Variants in THTPA observed in about 807,000 individuals in gnomAD.
THTPA encodes thiamine-triphosphatase.
THTPA carries 16 observed loss-of-function variants against 16.5 expected under a neutral mutation model. That is an observed-to-expected ratio of 0.97 (90% CI 0.66 to 1.47). THTPA has a LOEUF of 1.47. Among genes scored for constraint, THTPA ranks in the 40% most tolerant of loss-of-function variants. The pLI is 0.00. For missense variants in THTPA, 281 were observed against 280.9 expected, an observed-to-expected ratio of 1.00 and a Z score of 0.00; for synonymous variants, 110 against 115.5, an observed-to-expected ratio of 0.95 and a Z score of 0.30.
chr14:23,534,375 A>T, the THTPA span: 1 of 1,536,776 alleles, frequency 6.5e-7, no homozygotes, highest in Non-Finnish European at 8.7e-7. The surrounding 1 kb of genome is among the most constrained non-coding windows in gnomAD (Gnocchi z 4.5). Flanking sequence ...TCTGGGCCAC[A>T]TTCGCCTCCA....
the THTPA span, chr14:23,514,427 G>GC: frequency 1.3e-5 from 2 of 152,726 alleles, no homozygotes; most frequent in South Asian, 2.1e-4. Flanking sequence ...GTCTGTATAT[G>GC]CCACTTTTGC....
At chr14:23,524,218 G>C in the THTPA span, 2 of 1,536,472 alleles carry the variant, frequency 1.3e-6, no homozygotes, top group Admixed American at 2.0e-5. The surrounding 1 kb of genome is among the most constrained non-coding windows in gnomAD (Gnocchi z 5.6). Flanking sequence ...CCCGGGCCCT[G>C]GTATTCTGGA....
the THTPA span, chr14:23,531,917 C>G: frequency 4.9e-6 from 3 of 610,054 alleles, no homozygotes; most frequent in Non-Finnish European, 7.1e-6. Flanking sequence ...GCTGGGATTA[C>G]AGGCATGCGC....
chr14:23,515,759 C>T, the THTPA span, among the ~76,000 whole-genome samples: 14 of 152,170 alleles, frequency 9.2e-5, no homozygotes, highest in African/African-American at 3.1e-4. Context: ...GGCTGAGCTG[C>T]TCAGGGCTGG....
At chr14:23,523,336 C>G in the THTPA span, 47 of 1,461,942 alleles carry the variant, frequency 3.2e-5, no homozygotes, top group East Asian at 1.1e-3. The surrounding 1 kb of genome is among the most constrained non-coding windows in gnomAD (Gnocchi z 4.1). Context: ...CAGGTGGGGC[C>G]TTGAGAGCTG....
At chr14:23,521,554 T>C in the THTPA span, 558 of 166,060 alleles carry the variant, frequency 3.4e-3, 3 homozygotes, top group African/African-American at 0.012. Context: ...CATCATGGGA[T>C]AACGTGTGTG....
At chr14:23,533,254 G>A in the THTPA span, 3 of 1,106,062 alleles carry the variant, frequency 2.7e-6, no homozygotes, top group African/African-American at 1.6e-5. This position sits in a 1 kb window ranked among gnomAD's most constrained non-coding sequence, Gnocchi z 4.8. Flanking sequence ...CCCTGGGGAG[G>A]AGAGAAGAGG....
intron 1 of THTPA, among the ~76,000 whole-genome samples, chr14:23,558,219 G>A (rs570734724): frequency 7.2e-5 from 11 of 152,332 alleles, no homozygotes; most frequent in South Asian, 2.1e-4. Context: ...ATGTAGAGGC[G>A]AGAATTCTAT....
chr14:23,527,466 C>A, the THTPA span: 1 of 1,172,558 alleles, frequency 8.5e-7, no homozygotes, highest in Non-Finnish European at 1.2e-6. Context: ...ACCGTCCTCA[C>A]CCAGCCAACA....
At position 23,560,086 on chromosome 14, in the gene THTPA, G is replaced by T; in HGVS notation, c.*1246G>T. The T allele has an allele frequency of 6.9e-7, 1 of 1,439,872 alleles. No homozygotes were observed. The highest frequency in any genetic ancestry group is 9.6e-7 in the Non-Finnish European group (1 of 1,036,716). 89.2% of individuals were successfully genotyped at this position (1,439,872 alleles called of 1,614,324 possible). A position where few individuals can be genotyped will look rare whatever the true frequency, so the allele number is the denominator to read the frequency against. On this transcript the variant is annotated 3_prime_UTR_variant, in exon 2 of 2. Transcript: ENST00000288014. ...ACAGTATGGCAGTAGGTAGGGCTCAGGCAGCCCCTCTATACTCAGTGGCTC... is the reference window on the plus strand; with the variant it reads ...ACAGTATGGCAGTAGGTAGGGCTCATGCAGCCCCTCTATACTCAGTGGCTC...
the THTPA span, chr14:23,531,683 C>A: frequency 3.5e-6 from 5 of 1,412,480 alleles, no homozygotes; most frequent in Admixed American, 5.1e-5. Context: ...ATAGCCCCAG[C>A]TCTGCCCCTG....
At chr14:23,529,896 T>C in the THTPA span, 1 of 1,040,954 alleles carries the variant, frequency 9.6e-7, no homozygotes, top group South Asian at 1.4e-5. Context: ...AGGTGAGGCT[T>C]GGCAAGGGCT....
chr14:23,516,692 G>A, the THTPA span, among the ~76,000 whole-genome samples: 11,731 of 152,184 alleles, frequency 0.077, 1,031 homozygotes, highest in East Asian at 0.23. Context: ...GGCAGGCCTG[G>A]GTCCCGGGTA....
the THTPA span, chr14:23,527,853 C>CCCA: frequency 3.3e-6 from 5 of 1,494,392 alleles, no homozygotes; most frequent in Admixed American, 2.0e-5. Context: ...AAGGATGGGA[C>CCCA]CCACCATCAC....
chr14:23,555,896 G>A (rs1444953570), upstream of THTPA: 3 of 152,304 alleles, frequency 2.0e-5, no homozygotes, highest in Admixed American at 6.5e-5. Flanking sequence ...TCAGCTTTAG[G>A]TAGAGTACCG....
the THTPA span, among the ~76,000 whole-genome samples, chr14:23,550,846 C>A: frequency 6.6e-6 from 1 of 152,072 alleles, no homozygotes; most frequent in Non-Finnish European, 1.5e-5. Flanking sequence ...CCCCAGCGCG[C>A]TAGCCCATCC....
chr14:23,527,568 G>C, the THTPA span: 6,667 of 1,535,736 alleles, frequency 4.3e-3, 112 homozygotes, highest in South Asian at 0.037. Context: ...CCCTAATAAG[G>C]TCTTGTTGTA....
chr14:23,547,276 T>G, the THTPA span, among the ~76,000 whole-genome samples: 8 of 152,268 alleles, frequency 5.3e-5, no homozygotes, highest in East Asian at 1.9e-4. Flanking sequence ...CTTCGTTGTA[T>G]TAATAATTAC....
At chr14:23,548,711 C>T in the THTPA span, among the ~76,000 whole-genome samples, 1 of 152,168 alleles carries the variant, frequency 6.6e-6, no homozygotes, top group African/African-American at 2.4e-5. Context: ...GAAATGAATG[C>T]TCGTGAGGTT....
Sources: gnomAD v4.1 joint callset for allele counts (sites outside exome capture counted in the v4.1 genomes callset) on GRCh38, gnomAD v4.1.1 for gene constraint, Gnocchi (gnomAD v3.1) non-coding constraint, MANE v1.5 for transcripts, NCBI Gene and HGNC (gene_info 2026-07-23, HGNC 2026-07-21) for gene names.